APC: variants seen among roughly 807,000 people sequenced by gnomAD.
APC encodes APC regulator of Wnt signaling pathway.
Under a neutral mutation model 247.0 loss-of-function variants are expected in APC, and 72 were observed. The observed-to-expected ratio is 0.29, with a 90% confidence interval of 0.24 to 0.35. The LOEUF (loss-of-function observed/expected upper bound fraction) is 0.35, where lower values mean the gene tolerates loss of function less well. Among genes scored for constraint, APC ranks in the 10% least tolerant of loss-of-function variants. The pLI, the probability that APC is intolerant of heterozygous loss-of-function variation, is 1.00. For synonymous variants in APC, 1,254 were observed against 1,162.5 expected (o/e 1.08, Z -1.60); for missense variants, 3,400 against 3,360.7 (o/e 1.01, Z -0.29).
At chr5:112,782,656 A>G (rs975254870) in intron 6 of APC, among the ~76,000 whole-genome samples, 1 of 152,220 alleles carries the variant, frequency 6.6e-6, no homozygotes, top group African/African-American at 2.4e-5. Context: ...TTAAATGTCA[A>G]AAGTAAAACT....
intron 1 of APC, among the ~76,000 whole-genome samples, chr5:112,714,641 G>A (rs571703336): frequency 1.3e-5 from 2 of 152,136 alleles, no homozygotes; most frequent in South Asian, 4.2e-4. Context: ...CTCATTTCAC[G>A]TATAGTAAAA....
At chr5:112,746,734 A>G (rs1753730855) in intron 1 of APC, among the ~76,000 whole-genome samples, 1 of 152,246 alleles carries the variant, frequency 6.6e-6, no homozygotes, top group African/African-American at 2.4e-5. Context: ...TAGTGAAATA[A>G]TATGCCATTC....
chr5:112,768,734 C>CCCTGTACAGTAGCGTCGAACACAGT (rs1756663643), intron 4 of APC, among the ~76,000 whole-genome samples: 1 of 149,986 alleles, frequency 6.7e-6, no homozygotes, highest in African/African-American at 2.5e-5. Context: ...TAGAACACAG[C>CCCTGTACAGTAGCGTCGAACACAGT]CCTGTACAGT....
intron 3 of APC, among the ~76,000 whole-genome samples, chr5:112,766,876 C>T (rs1272861046): frequency 1.3e-5 from 2 of 152,114 alleles, no homozygotes; most frequent in Non-Finnish European, 2.9e-5. Context: ...TTGAAAATTC[C>T]AGTGTCAGAA....
intron 1 of APC, among the ~76,000 whole-genome samples, chr5:112,725,821 G>T (rs189828561): frequency 3.0e-4 from 45 of 152,294 alleles, no homozygotes; most frequent in African/African-American, 1.0e-3. Context: ...CAAGTATTTT[G>T]TTGAGAAAAT....
intron 14 of APC, 49 bp downstream of exon 14, chr5:112,829,021 T>C: frequency 7.6e-7 from 1 of 1,307,906 alleles, no homozygotes; most frequent in Non-Finnish European, 1.1e-6. Context: ...ATGTTTGGCT[T>C]TTTTTTGCTG....
At chr5:112,721,099 G>T (rs1215953896) in intron 1 of APC, among the ~76,000 whole-genome samples, 2 of 152,054 alleles carry the variant, frequency 1.3e-5, no homozygotes, top group Non-Finnish European at 2.9e-5. Context: ...AACTAGAGGG[G>T]CAGGAGATAC....
intron 7 of APC, among the ~76,000 whole-genome samples, chr5:112,794,852 G>A (rs1341189252): frequency 6.6e-6 from 1 of 152,150 alleles, no homozygotes; most frequent in African/African-American, 2.4e-5. Context: ...CACTGAAAGT[G>A]CTATACTTAG....
Position 112,720,783 on chromosome 5 carries a change from T to C in APC, c.165+12901T>C, listed in dbSNP as rs113714347. Among the ~76,000 whole-genome samples, 316 of 152,284 alleles carry C rather than the reference T, an allele frequency of 2.1e-3. 3 individuals are homozygous for C. Among genetic ancestry groups the C allele is most frequent in the African/African-American group, 7.2e-3 (298 of 41,550 alleles). ...ATCCTTTGATGTTTATAGTTGTGAA[T>C]TTAAAGTGAAACCAGCTAGCTTTGT... On this transcript the variant is annotated intron_variant, in intron 1 of 13. Transcript: ENST00000507379.
intron 8 of APC, among the ~76,000 whole-genome samples, chr5:112,801,746 A>G (rs1760856684): frequency 1.3e-5 from 2 of 151,958 alleles, no homozygotes; most frequent in Admixed American, 6.6e-5. Context: ...TTCAATGTAA[A>G]GACATTTTTA....
chr5:112,841,094 G>C lies in APC; in HGVS notation c.5500G>C (p.Val1834Leu), dbSNP rs555944438. 2 of 1,612,796 alleles carry C rather than the reference G, an allele frequency of 1.2e-6. 1 individual carries two copies. The highest frequency in any genetic ancestry group is 2.2e-5 in the South Asian group (2 of 91,030). The change falls in exon 16 of 16, where the codon GTC becomes CTC. Residue 1834 changes from valine to leucine, a missense_variant. By Grantham distance (32) the Val-to-Leu change is conservative. This residue lies in a region of APC where 1,788 missense variants were observed against 1,649.5 expected (regional missense o/e 1.08). Transcript: ENST00000257430. This position sits in a 1 kb window ranked among gnomAD's most constrained non-coding sequence, Gnocchi z 4.6. ...TAAGCTCCCAAATAATGAAGATAGA[G>C]TCAGAGGAAGTTTTGCTTTTGATTC... Reference protein sequence around the residue: ...NDKLPNNEDRVRGSFAFDSPH... With the variant: ...NDKLPNNEDRLRGSFAFDSPH...
chr5:112,717,505 G>C (rs1000669119), intron 1 of APC, among the ~76,000 whole-genome samples: 1 of 152,032 alleles, frequency 6.6e-6, no homozygotes, highest in South Asian at 2.1e-4. Context: ...CCTTTAGTCT[G>C]CTTGAAAATG....
In APC at chr5:112,838,314, G is replaced by T. The variant is rs1370667212; in HGVS notation, c.2720G>T (p.Gly907Val). 1.7e-5 allele frequency: 27 copies of T among 1,614,126 alleles called. No homozygotes were observed. Among genetic ancestry groups the T allele is most frequent in the Non-Finnish European group, 2.3e-5 (27 of 1,180,022 alleles). ...ACCTCTCAGGAAGACAGAAGTTCTG[G>T]GTCTACCACTGAATTACATTGTGTG... Reference protein sequence around the residue: ...IHTSQEDRSSGSTTELHCVTD... With the variant: ...IHTSQEDRSSVSTTELHCVTD... Residue 907 changes from glycine (G) to valine (V), a missense_variant, in exon 16 of 16, where the codon GGG (glycine) becomes GTG (valine). Coordinates refer to ENST00000257430, the MANE Select transcript of APC (RefSeq NM_000038.6).
At chr5:112,828,457 T>TAA (rs34947690) in intron 13 of APC, among the ~76,000 whole-genome samples, 5 of 141,422 alleles carry the variant, frequency 3.5e-5, no homozygotes, top group Non-Finnish European at 3.1e-5. Context: ...AGGAGGAATT[T>TAA]AAAAAAAAAA....
At chr5:112,718,191 C>T (rs992328882) in intron 1 of APC, among the ~76,000 whole-genome samples, 6 of 151,594 alleles carry the variant, frequency 4.0e-5, no homozygotes, top group Admixed American at 2.6e-4. Context: ...AGTTATTTTT[C>T]AGTTTGTGTC....
intron 7 of APC, among the ~76,000 whole-genome samples, chr5:112,792,917 T>C (rs1270411688): frequency 6.6e-6 from 1 of 152,062 alleles, no homozygotes; most frequent in Admixed American, 6.6e-5. Flanking sequence ...AAGGATACAA[T>C]GAAAGAGGCA....
intron 1 of APC, among the ~76,000 whole-genome samples, chr5:112,739,265 G>T (rs1291398119): frequency 6.6e-6 from 1 of 151,976 alleles, no homozygotes; most frequent in Non-Finnish European, 1.5e-5. Flanking sequence ...AAATGTAAAA[G>T]CCTATCTTTA....
chr5:112,764,549 A>G (rs1581154041), intron 2 of APC, among the ~76,000 whole-genome samples: 2 of 152,216 alleles, frequency 1.3e-5, no homozygotes. Context: ...CTTTATTGGT[A>G]CAAAATGTTA....
intron 1 of APC, among the ~76,000 whole-genome samples, chr5:112,746,659 AAACTC>A (rs1284956720): frequency 1.3e-5 from 2 of 152,256 alleles, no homozygotes; most frequent in African/African-American, 4.8e-5. Context: ...CAAAAACTTT[AAACTC>A]AAAGGAAAAT....
Sources: gnomAD v4.1 joint callset for allele counts (sites outside exome capture counted in the v4.1 genomes callset) on GRCh38, gnomAD v4.1.1 for gene constraint, gnomAD v4.1.1 regional missense constraint, Gnocchi (gnomAD v3.1) non-coding constraint, MANE v1.5 for transcripts, NCBI Gene and HGNC (gene_info 2026-07-23, HGNC 2026-07-21) for gene names.